The following ARHGEF4 variants were observed in gnomAD, a reference collection of about 807,000 sequenced individuals.
The protein encoded by ARHGEF4 is Rho guanine nucleotide exchange factor 4.
A neutral mutation model predicts 162.0 loss-of-function variants in ARHGEF4; 119 were observed. The observed-to-expected ratio is 0.73, with a 90% CI of 0.63 to 0.86. The LOEUF is 0.86. ARHGEF4 is among the 40% of genes least tolerant of loss of function. The probability of loss-of-function intolerance (pLI) is 0.00; values close to 1 mark genes in which losing one functional copy is unlikely to be tolerated. For missense variants in ARHGEF4, 2,488 were observed against 2,456.0 expected, an observed-to-expected ratio of 1.01 and a Z score of -0.28; for synonymous variants, 1,014 against 979.9, an observed-to-expected ratio of 1.03 and a Z score of -0.65.
At chr2:130,853,087 G>A (rs979479886) in intron 1 of ARHGEF4, among the ~76,000 whole-genome samples, 6 of 152,192 alleles carry the variant, frequency 3.9e-5, no homozygotes, top group Admixed American at 2.0e-4. Flanking sequence ...TTGGGTCCCA[G>A]GGGGCTGTTT....
At chr2:131,036,148 A>G (rs1005790060) in intron 5 of ARHGEF4, among the ~76,000 whole-genome samples, 4 of 152,220 alleles carry the variant, frequency 2.6e-5, no homozygotes, top group African/African-American at 9.6e-5. Context: ...AGCTGTGCCT[A>G]CGAGCACCAA....
intron 5 of ARHGEF4, among the ~76,000 whole-genome samples, chr2:131,031,319 G>A (rs1689835038): frequency 1.3e-5 from 2 of 152,222 alleles, no homozygotes; most frequent in African/African-American, 4.8e-5. Context: ...CGGCCCACTC[G>A]GGGCAGAGCC....
intron 6 of ARHGEF4, 65 bp downstream of exon 6, chr2:131,039,097 A>G: frequency 6.6e-7 from 1 of 1,504,944 alleles, no homozygotes; most frequent in Non-Finnish European, 8.9e-7. Flanking sequence ...TTCTGCAGAG[A>G]AATCCAAGCC....
chr2:130,989,308 A>G (rs1686781386), intron 4 of ARHGEF4, among the ~76,000 whole-genome samples: 2 of 152,212 alleles, frequency 1.3e-5, no homozygotes, highest in African/African-American at 2.4e-5. Flanking sequence ...GGTTTGGTGT[A>G]TCAAAGTGTA....
chr2:130,862,738 T>G (rs1358210174), intron 1 of ARHGEF4, among the ~76,000 whole-genome samples: 10 of 40,204 alleles, frequency 2.5e-4, no homozygotes, highest in Non-Finnish European at 3.6e-4. Context: ...CATGATGGCA[T>G]GCACCTGTAA....
At chr2:131,025,559 A>T (rs959070582) in intron 4 of ARHGEF4, among the ~76,000 whole-genome samples, 9 of 152,180 alleles carry the variant, frequency 5.9e-5, no homozygotes, top group African/African-American at 2.2e-4. Flanking sequence ...TCAAGTGTTC[A>T]TCCTTCCATT....
intron 4 of ARHGEF4, among the ~76,000 whole-genome samples, chr2:130,966,926 G>A (rs1001335527): frequency 3.3e-5 from 5 of 152,184 alleles, no homozygotes; most frequent in African/African-American, 4.8e-5. Context: ...CTAGTCTAAC[G>A]GCTGAGACAA....
chr2:130,901,388 G>C (rs965126234), intron 1 of ARHGEF4, among the ~76,000 whole-genome samples: 8 of 152,168 alleles, frequency 5.3e-5, no homozygotes, highest in African/African-American at 9.7e-5. Flanking sequence ...CTGCCATTGG[G>C]TGTGCATAGC....
chr2:130,880,227 C>A (rs540757252), intron 1 of ARHGEF4, among the ~76,000 whole-genome samples: 15 of 152,282 alleles, frequency 9.9e-5, no homozygotes, highest in African/African-American at 3.4e-4. Flanking sequence ...CTGCACGACC[C>A]CCTGCTGCCT....
intron 4 of ARHGEF4, among the ~76,000 whole-genome samples, chr2:130,982,398 CT>C (rs1321672554): frequency 4.6e-5 from 7 of 151,602 alleles, no homozygotes; most frequent in South Asian, 4.3e-4. Context: ...TTAAAGAATG[CT>C]TTACTATCTA....
At chr2:130,924,539 G>A (rs1478959339) in intron 2 of ARHGEF4, among the ~76,000 whole-genome samples, 2 of 152,194 alleles carry the variant, frequency 1.3e-5, no homozygotes, top group Non-Finnish European at 2.9e-5. Flanking sequence ...CTGCGTGTGT[G>A]TATGATGCAG....
intron 2 of ARHGEF4, among the ~76,000 whole-genome samples, 160 bp from the exon 3 acceptor site, chr2:130,930,792 A>G (rs1002068869): frequency 2.6e-5 from 4 of 152,238 alleles, no homozygotes; most frequent in Non-Finnish European, 4.4e-5. Context: ...ACATTTTCCA[A>G]AATGACTGTG....
chr2:130,966,693 A>G (rs1446807085), intron 4 of ARHGEF4, among the ~76,000 whole-genome samples: 1 of 152,194 alleles, frequency 6.6e-6, no homozygotes, highest in Non-Finnish European at 1.5e-5. Context: ...GCGTTGGAAT[A>G]GTCCTGACTG....
chr2:131,006,278 T>A (rs903335581), intron 4 of ARHGEF4, among the ~76,000 whole-genome samples: 1 of 152,210 alleles, frequency 6.6e-6, no homozygotes, highest in Non-Finnish European at 1.5e-5. Context: ...TTAGGCTCTC[T>A]GTGACTCCAA....
At chr2:130,993,981 T>C (rs1403637926) in intron 4 of ARHGEF4, among the ~76,000 whole-genome samples, 1 of 152,168 alleles carries the variant, frequency 6.6e-6, no homozygotes, top group African/African-American at 2.4e-5. Context: ...GGTTTCACCA[T>C]GTTGGCCAGG....
intron 4 of ARHGEF4, among the ~76,000 whole-genome samples, chr2:130,999,004 A>G (rs1687581744): frequency 6.6e-6 from 1 of 152,208 alleles, no homozygotes; most frequent in Non-Finnish European, 1.5e-5. Flanking sequence ...GGATGTAACC[A>G]TTCTAATAGA....
chr2:131,004,810 G>A (rs948406141), intron 4 of ARHGEF4, among the ~76,000 whole-genome samples: 1 of 152,208 alleles, frequency 6.6e-6, no homozygotes, highest in Admixed American at 6.5e-5. Context: ...CATCTCTGCT[G>A]TTTTATTTAC....
intron 4 of ARHGEF4, among the ~76,000 whole-genome samples, chr2:130,997,078 C>T (rs1210254699): frequency 6.6e-6 from 1 of 152,112 alleles, no homozygotes; most frequent in Non-Finnish European, 1.5e-5. Flanking sequence ...ATGGCTTCTG[C>T]CTTGTGCTAT....
intron 4 of ARHGEF4, among the ~76,000 whole-genome samples, chr2:131,024,700 C>T (rs7608935): frequency 0.91 from 137,812 of 152,270 alleles, 63,067 homozygotes; most frequent in Non-Finnish European, 0.98. Flanking sequence ...GGGATCCTTA[C>T]GTTTCAGAAA....
Sources: gnomAD v4.1 joint callset for allele counts (sites outside exome capture counted in the v4.1 genomes callset) on GRCh38, gnomAD v4.1.1 for gene constraint, MANE v1.5 for transcripts, NCBI Gene and HGNC (gene_info 2026-07-23, HGNC 2026-07-21) for gene names.